NOCT: variants seen among roughly 807,000 people sequenced by gnomAD.
The protein encoded by NOCT is nocturnin, also known as CCR4 carbon catabolite repression 4-like.
NOCT carries 18 observed loss-of-function variants against 35.0 expected under a neutral mutation model. That is an observed-to-expected ratio of 0.51 (90% CI 0.36 to 0.76). The LOEUF (loss-of-function observed/expected upper bound fraction) is 0.76. Ranked by LOEUF, NOCT falls within the 30% of genes least tolerant of loss-of-function variation. The probability of loss-of-function intolerance (pLI) is 0.01; values close to 1 mark genes in which losing one functional copy is unlikely to be tolerated. For synonymous variants in NOCT, 235 were observed against 226.3 expected (o/e 1.04, Z -0.34); for missense variants, 479 against 541.0 (o/e 0.89, Z 1.14).
chr4:139,023,373 T>C (rs1726451250), intron 1 of NOCT, among the ~76,000 whole-genome samples: 1 of 152,230 alleles, frequency 6.6e-6, no homozygotes, highest in South Asian at 2.1e-4. Flanking sequence ...ACTTTTCTAT[T>C]TCCTCTTGTG....
chr4:139,016,228 A>G (rs1263271211), intron 1 of NOCT, 57 bp downstream of exon 1: 1 of 1,104,008 alleles, frequency 9.1e-7, no homozygotes, highest in Non-Finnish European at 1.1e-6. Flanking sequence ...CGCGGCCGCC[A>G]CCTGGAGACC....
chr4:139,017,225 CTTT>C (rs547505786), intron 1 of NOCT, among the ~76,000 whole-genome samples: 1 of 122,838 alleles, frequency 8.1e-6, no homozygotes, highest in Non-Finnish European at 1.7e-5. Context: ...CAATACATAA[CTTT>C]TTTTTTTTTT....
At chr4:139,039,111 G>A (rs550969122) in intron 1 of NOCT, among the ~76,000 whole-genome samples, 149 of 127,236 alleles carry the variant, frequency 1.2e-3, no homozygotes, top group Admixed American at 4.0e-3. Flanking sequence ...TGAGATGGGA[G>A]GATTGCTTGA....
chr4:139,033,295 G>A (rs1726661650), intron 1 of NOCT, among the ~76,000 whole-genome samples: 1 of 151,880 alleles, frequency 6.6e-6, no homozygotes, highest in South Asian at 2.1e-4. Context: ...ACCCGGGGGG[G>A]CGGAGGTTGC....
chr4:139,017,953 G>A (rs1464086637), intron 1 of NOCT, among the ~76,000 whole-genome samples: 1 of 152,086 alleles, frequency 6.6e-6, no homozygotes, highest in Non-Finnish European at 1.5e-5. Flanking sequence ...GTTATCCTCA[G>A]ACTCTGGAGC....
intron 1 of NOCT, among the ~76,000 whole-genome samples, chr4:139,021,714 C>CG: frequency 6.6e-6 from 1 of 150,500 alleles, no homozygotes; most frequent in Non-Finnish European, 1.5e-5. Flanking sequence ...GGAGATACAG[C>CG]GTCTGTATTT....
intron 1 of NOCT, among the ~76,000 whole-genome samples, chr4:139,029,002 C>T (rs1292418258): frequency 6.6e-6 from 1 of 152,004 alleles, no homozygotes; most frequent in Non-Finnish European, 1.5e-5. Flanking sequence ...CCACATCCAG[C>T]TAATTTTTGT....
intron 1 of NOCT, among the ~76,000 whole-genome samples, chr4:139,024,894 G>A (rs925790075): frequency 2.0e-5 from 3 of 152,318 alleles, no homozygotes; most frequent in South Asian, 2.1e-4. Flanking sequence ...GTGAGCCACC[G>A]CGCCCAGCCA....
intron 1 of NOCT, among the ~76,000 whole-genome samples, chr4:139,036,068 C>T (rs1441385842): frequency 2.6e-5 from 4 of 152,020 alleles, no homozygotes; most frequent in Admixed American, 6.6e-5. Flanking sequence ...TTCTCCAAAG[C>T]ACTTTTCCAT....
intron 2 of NOCT, chr4:139,044,003 T>TATAC (rs1405359118): frequency 1.2e-4 from 17 of 147,078 alleles, no homozygotes; most frequent in African/African-American, 3.0e-4. Flanking sequence ...TATATATATA[T>TATAC]ACACTTTGTT....
In NOCT at chr4:139,040,042, CTT is replaced by C. The variant is rs35176403; in HGVS notation, c.191-3017_191-3016del. On this transcript the variant is annotated intron_variant, in intron 1 of 2. Coordinates refer to ENST00000280614, the MANE Select transcript of NOCT (RefSeq NM_012118.4). Reference sequence around the variant, plus strand: ...CGCGTCCGGCCTCTTGTATCATTTTCTTTTTTTTTTTTTTTTGAGACGGAGTC... The same window carrying C: ...CGCGTCCGGCCTCTTGTATCATTTTCTTTTTTTTTTTTTTGAGACGGAGTC... Among the ~76,000 whole-genome samples the C allele has an allele frequency of 9.4e-3, 1,124 of 119,568 alleles. 17 individuals carry two copies. Among genetic ancestry groups the C allele is most frequent in the African/African-American group, 0.028 (908 of 31,886 alleles). 78.4% of individuals were successfully genotyped at this position (119,568 alleles called of 152,430 possible).
chr4:139,025,752 C>T (rs556674990), intron 1 of NOCT, among the ~76,000 whole-genome samples: 1 of 149,622 alleles, frequency 6.7e-6, no homozygotes, highest in Non-Finnish European at 1.5e-5. Context: ...TTCAGTGAGC[C>T]GAGATGGCGC....
At chr4:139,025,494 A>G (rs17050680) in intron 1 of NOCT, among the ~76,000 whole-genome samples, 44,059 of 151,968 alleles carry the variant, frequency 0.29, 6,520 homozygotes, top group Middle Eastern at 0.37. Context: ...TTGTTTTCCA[A>G]TGTTATTGAT....
intron 1 of NOCT, among the ~76,000 whole-genome samples, chr4:139,019,363 C>G (rs1005641380): frequency 2.6e-5 from 4 of 152,130 alleles, no homozygotes; most frequent in Non-Finnish European, 4.4e-5. Context: ...CTATGAAGTG[C>G]TTTTTTAAAA....
chr4:139,038,077 G>A lies in NOCT; in HGVS notation c.191-4997G>A, dbSNP rs149526660. Among the ~76,000 whole-genome samples the A allele has an allele frequency of 4.9e-3, 748 of 152,186 alleles. 6 individuals carry two copies. The highest frequency in any genetic ancestry group is 0.017 in the African/African-American group (712 of 41,522). The stretch of plus-strand genomic sequence containing the variant: ...TAGCCAGGCGTGGTAGAACAAACCT[G>A]TAGTCCCAACTCCTCGGGAGGCTGA... On this transcript the variant is annotated intron_variant, in intron 1 of 2. Transcript: ENST00000280614.
At chr4:139,037,515 C>A (rs1020365838) in intron 1 of NOCT, among the ~76,000 whole-genome samples, 8 of 152,124 alleles carry the variant, frequency 5.3e-5, no homozygotes, top group Non-Finnish European at 7.4e-5. Context: ...AGGGAACCTC[C>A]TGCCTCAGCC....
chr4:139,034,675 G>T (rs1196126415), intron 1 of NOCT, among the ~76,000 whole-genome samples: 1 of 151,734 alleles, frequency 6.6e-6, no homozygotes, highest in Non-Finnish European at 1.5e-5. Flanking sequence ...GGGCTCAAGT[G>T]ATCCTCCCTC....
At chr4:139,021,787 T>G (rs1726420015) in intron 1 of NOCT, among the ~76,000 whole-genome samples, 1 of 151,462 alleles carries the variant, frequency 6.6e-6, no homozygotes, top group Non-Finnish European at 1.5e-5. Flanking sequence ...TTAGACAGTT[T>G]TGCTCTTGTT....
rs553214125 is a variant in NOCT at position 139,038,576 on chromosome 4, T to A, written c.191-4498T>A. On this transcript the variant is annotated intron_variant, in intron 1 of 2. Coordinates refer to ENST00000280614, the MANE Select transcript of NOCT (RefSeq NM_012118.4). ...ATGATAGACTATCCCATTTGATTCA[T>A]CTCATATATACACAGCAGTCTCAGA... Among the ~76,000 whole-genome samples, 8 of 152,314 alleles carry A rather than the reference T, an allele frequency of 5.3e-5. No individual in the cohort carries two copies. In the East Asian group the frequency reaches 1.3e-3, roughly 26 times the overall value.
Sources: allele counts gnomAD v4.1 joint callset (sites outside exome capture counted in the v4.1 genomes callset), GRCh38; gene constraint gnomAD v4.1.1; transcripts MANE v1.5; gene names NCBI Gene and HGNC (gene_info 2026-07-23, HGNC 2026-07-21).